KIAA1217: variants seen among roughly 807,000 people sequenced by gnomAD.
KIAA1217 encodes KIAA1217.
A neutral mutation model predicts 163.9 loss-of-function variants in KIAA1217; 88 were observed. That is an observed-to-expected ratio of 0.54 (90% CI 0.45 to 0.64). KIAA1217 has a LOEUF of 0.64. Ranked by LOEUF, KIAA1217 falls within the 30% of genes least tolerant of loss-of-function variation. The pLI is 0.00. For missense variants in KIAA1217, 2,372 were observed against 2,475.0 expected (o/e 0.96, Z 0.88); for synonymous variants, 903 against 923.1 (o/e 0.98, Z 0.39).
chr10:24,435,736 G>C (rs913304972), intron 4 of KIAA1217, among the ~76,000 whole-genome samples: 4 of 152,096 alleles, frequency 2.6e-5, no homozygotes, highest in South Asian at 2.1e-4. Flanking sequence ...GGAGGAAAAA[G>C]AAGAAAAGGT....
intron 2 of KIAA1217, among the ~76,000 whole-genome samples, chr10:24,124,539 T>G (rs190380273): frequency 7.2e-4 from 109 of 152,312 alleles, no homozygotes; most frequent in African/African-American, 2.6e-3. Flanking sequence ...ATGAGACGCC[T>G]CTGACTTTAA....
intron 1 of KIAA1217, among the ~76,000 whole-genome samples, chr10:23,855,796 G>C (rs1839625477): frequency 6.6e-6 from 1 of 152,030 alleles, no homozygotes; most frequent in Non-Finnish European, 1.5e-5. Context: ...TCTTCCAGTT[G>C]ATCGCATCGG....
chr10:24,513,550 T>C (rs1210531578), intron 10 of KIAA1217, 116 bp downstream of exon 10: 3 of 931,948 alleles, frequency 3.2e-6, no homozygotes, highest in South Asian at 3.3e-5. Context: ...GAGCACCTAC[T>C]GTGTAAAAGT....
intron 1 of KIAA1217, among the ~76,000 whole-genome samples, chr10:23,964,024 A>T (rs1236855915): frequency 6.6e-6 from 1 of 150,920 alleles, no homozygotes; most frequent in Non-Finnish European, 1.5e-5. Context: ...CTCCCAAGTA[A>T]CTGGGACTGC....
intron 1 of KIAA1217, among the ~76,000 whole-genome samples, chr10:23,850,785 C>T (rs1356204555): frequency 1.3e-5 from 2 of 152,000 alleles, no homozygotes; most frequent in Admixed American, 1.3e-4. Context: ...GGAAGCATGG[C>T]TGGGGAGGCT....
chr10:23,939,967 T>G (rs1205887668), intron 1 of KIAA1217, among the ~76,000 whole-genome samples: 1 of 150,376 alleles, frequency 6.6e-6, no homozygotes, highest in African/African-American at 2.4e-5. Flanking sequence ...ATAAACTATA[T>G]TAAATATAAA....
At chr10:24,487,113 C>G (rs575380007) in intron 6 of KIAA1217, among the ~76,000 whole-genome samples, 5 of 152,368 alleles carry the variant, frequency 3.3e-5, no homozygotes, top group Non-Finnish European at 7.3e-5. Flanking sequence ...CAGAACACTG[C>G]TCCCTTCTCC....
At chr10:23,866,904 T>G (rs1840214234) in intron 1 of KIAA1217, among the ~76,000 whole-genome samples, 1 of 151,804 alleles carries the variant, frequency 6.6e-6, no homozygotes. Context: ...AATGTGCAGG[T>G]TAGTTACATA....
chr10:24,421,078 C>T (rs1467658753), intron 3 of KIAA1217, among the ~76,000 whole-genome samples: 3 of 152,232 alleles, frequency 2.0e-5, no homozygotes, highest in South Asian at 2.1e-4. Flanking sequence ...GATCTTGGCT[C>T]GTTGCCACCT....
At chr10:23,867,537 G>A (rs1203364883) in intron 1 of KIAA1217, among the ~76,000 whole-genome samples, 2 of 152,100 alleles carry the variant, frequency 1.3e-5, no homozygotes, top group East Asian at 3.9e-4. Flanking sequence ...TTTAATGATT[G>A]CCATTCTAAC....
At chr10:23,882,088 TAA>T (rs1251540887) in intron 1 of KIAA1217, among the ~76,000 whole-genome samples, 2 of 151,946 alleles carry the variant, frequency 1.3e-5, no homozygotes, top group Non-Finnish European at 2.9e-5. Flanking sequence ...TCATCAAAGT[TAA>T]AGTTTCGAAT....
At chr10:23,926,498 G>A (rs1225731894) in intron 1 of KIAA1217, among the ~76,000 whole-genome samples, 1 of 152,124 alleles carries the variant, frequency 6.6e-6, no homozygotes, top group East Asian at 1.9e-4. Context: ...GGCGACGTGA[G>A]TGGATCACCT....
chr10:24,182,912 A>G (rs2066249354), intron 2 of KIAA1217, among the ~76,000 whole-genome samples: 1 of 152,182 alleles, frequency 6.6e-6, no homozygotes, highest in African/African-American at 2.4e-5. Context: ...CTCCCCACCA[A>G]AATGCATGTT....
chr10:23,949,367 C>A (rs1844220295), intron 1 of KIAA1217, among the ~76,000 whole-genome samples: 1 of 152,130 alleles, frequency 6.6e-6, no homozygotes, highest in South Asian at 2.1e-4. Context: ...TATGTATTTA[C>A]AGTTTCAGTT....
intron 2 of KIAA1217, among the ~76,000 whole-genome samples, chr10:24,135,383 G>A (rs1013250212): frequency 3.9e-5 from 6 of 152,118 alleles, no homozygotes; most frequent in African/African-American, 1.4e-4. Flanking sequence ...ACATCAAGAA[G>A]CACCCACCCT....
chr10:23,901,745 A>G (rs1012912192), intron 1 of KIAA1217, among the ~76,000 whole-genome samples: 4 of 151,842 alleles, frequency 2.6e-5, no homozygotes, highest in Admixed American at 2.0e-4. Context: ...TGCCTCTACT[A>G]AAAATACAAA....
intron 1 of KIAA1217, 150 bp downstream of exon 1, chr10:24,209,413 G>A: frequency 3.2e-6 from 2 of 618,738 alleles, no homozygotes; most frequent in Non-Finnish European, 5.7e-6. Context: ...AAACTGAGTA[G>A]AGCATAGAGA....
Position 24,016,259 on chromosome 10 carries a change from A to G in KIAA1217, c.-171+8885A>G, listed in dbSNP as rs141395904. Among the ~76,000 whole-genome samples the G allele has an allele frequency of 2.0e-4, 30 of 152,162 alleles. No individual in the cohort carries two copies. The East Asian group carries it at 5.6e-3, about 29-fold the overall frequency. On this transcript the variant is annotated intron_variant, in intron 2 of 18. Transcript: ENST00000376462. ...TGTTATCTTCCTGTTTAAAGAATTCAGTTCTTCTCTGCTTTGTGTAGCTAC... is the reference window on the plus strand; with the variant it reads ...TGTTATCTTCCTGTTTAAAGAATTCGGTTCTTCTCTGCTTTGTGTAGCTAC...
intron 2 of KIAA1217, among the ~76,000 whole-genome samples, chr10:24,279,802 GTTA>G (rs1204012038): frequency 6.6e-6 from 1 of 152,084 alleles, no homozygotes; most frequent in Non-Finnish European, 1.5e-5. Flanking sequence ...TCCTAAATAT[GTTA>G]TTATGGTAAA....
Sources: gnomAD v4.1 joint callset for allele counts (sites outside exome capture counted in the v4.1 genomes callset) on GRCh38, gnomAD v4.1.1 for gene constraint, MANE v1.5 for transcripts, NCBI Gene and HGNC (gene_info 2026-07-23, HGNC 2026-07-21) for gene names.